The following RBFOX1 variants were observed in gnomAD, a reference collection of about 807,000 sequenced individuals.
RBFOX1 encodes RNA binding protein fox-1 homolog 1.
A neutral mutation model predicts 57.7 loss-of-function variants in RBFOX1; 8 were observed. The observed-to-expected ratio is 0.14, with a 90% CI of 0.08 to 0.25. RBFOX1 has a LOEUF of 0.25. RBFOX1 is among the 10% of genes least tolerant of loss of function. The pLI, the probability that RBFOX1 is intolerant of heterozygous loss-of-function variation, is 1.00. For synonymous variants in RBFOX1, 326 were observed against 222.4 expected, an observed-to-expected ratio of 1.47 and a Z score of -4.15; for missense variants, 611 against 548.5, an observed-to-expected ratio of 1.11 and a Z score of -1.14.
chr16:6,959,106 T>C (rs1320305424), intron 3 of RBFOX1, among the ~76,000 whole-genome samples: 1 of 152,204 alleles, frequency 6.6e-6, no homozygotes, highest in African/African-American at 2.4e-5. Flanking sequence ...CTTTTTTCTA[T>C]CGGCTTTGTC....
intron 3 of RBFOX1, chr16:6,773,958 G>A: frequency 3.0e-6 from 3 of 985,310 alleles, no homozygotes; most frequent in Non-Finnish European, 3.6e-6. Flanking sequence ...CACGCACATG[G>A]TTCTCATGGT....
At chr16:5,835,718 T>A (rs1038180915) in intron 3 of RBFOX1, among the ~76,000 whole-genome samples, 1 of 152,236 alleles carries the variant, frequency 6.6e-6, no homozygotes, top group Non-Finnish European at 1.5e-5. Context: ...AAAATGTGTT[T>A]CCTGTCTCAT....
intron 5 of RBFOX1, among the ~76,000 whole-genome samples, chr16:7,527,639 T>C (rs867392371): frequency 6.6e-5 from 10 of 152,292 alleles, no homozygotes; most frequent in Middle Eastern, 3.4e-3. Flanking sequence ...AGTGGGACCA[T>C]AGGCACGTTA....
At chr16:6,317,329 TA>T (rs1156255280) in intron 2 of RBFOX1, among the ~76,000 whole-genome samples, 1 of 152,156 alleles carries the variant, frequency 6.6e-6, no homozygotes, top group Non-Finnish European at 1.5e-5. Flanking sequence ...GGGATTAAAA[TA>T]AAATGTGTTT....
At chr16:5,799,347 A>T (rs1405738088) in intron 3 of RBFOX1, among the ~76,000 whole-genome samples, 2 of 152,292 alleles carry the variant, frequency 1.3e-5, no homozygotes, top group East Asian at 1.9e-4. Flanking sequence ...GACATAGCCA[A>T]ACCATATCAA....
intron 3 of RBFOX1, among the ~76,000 whole-genome samples, chr16:5,829,343 A>G (rs193288553): frequency 6.6e-6 from 1 of 152,298 alleles, no homozygotes; most frequent in East Asian, 1.9e-4. Flanking sequence ...CATTTTGAAA[A>G]GATCATCTTG....
At chr16:7,257,492 C>G (rs74010604) in intron 4 of RBFOX1, among the ~76,000 whole-genome samples, 4 of 152,076 alleles carry the variant, frequency 2.6e-5, no homozygotes, top group Non-Finnish European at 5.9e-5. Context: ...CCATACCCCC[C>G]GGGTTTCACC....
intron 2 of RBFOX1, among the ~76,000 whole-genome samples, chr16:6,630,417 T>C (rs1184930853): frequency 1.3e-5 from 2 of 152,182 alleles, no homozygotes; most frequent in South Asian, 4.1e-4. Flanking sequence ...AAGTTGATGA[T>C]GGTAAGGTTA....
At chr16:6,900,170 T>C (rs866413527) in intron 3 of RBFOX1, among the ~76,000 whole-genome samples, 4 of 152,356 alleles carry the variant, frequency 2.6e-5, no homozygotes, top group Middle Eastern at 3.4e-3. Context: ...TTGTTCATGT[T>C]CTTATGCTGA....
chr16:5,825,769 ATTCC>A (rs2151814562), intron 3 of RBFOX1, among the ~76,000 whole-genome samples: 1 of 148,544 alleles, frequency 6.7e-6, no homozygotes, highest in Non-Finnish European at 1.5e-5. Flanking sequence ...AAGGAATAAT[ATTCC>A]TTAATATGAA....
At chr16:5,377,941 C>G (rs1402518428) in intron 1 of RBFOX1, among the ~76,000 whole-genome samples, 2 of 151,614 alleles carry the variant, frequency 1.3e-5, no homozygotes, top group Admixed American at 6.6e-5. Flanking sequence ...TAATGGGAGC[C>G]TATTCAGGTA....
chr16:6,878,199 A>G (rs1197120982), intron 3 of RBFOX1, among the ~76,000 whole-genome samples: 1 of 152,186 alleles, frequency 6.6e-6, no homozygotes, highest in Non-Finnish European at 1.5e-5. Flanking sequence ...TTGTATGGTC[A>G]CCATGCAGGC....
Position 7,007,751 on chromosome 16 carries a change from C to T in RBFOX1, c.-15-44306C>T, listed in dbSNP as rs561720894. 5.9e-5 allele frequency among the ~76,000 whole-genome samples: 9 copies of T among 152,228 alleles called. No homozygotes were observed. The South Asian group carries it at 8.3e-4, about 14-fold the overall frequency. ...ACTCCCATGAAAATCATCTCATTTCCCTACATGCAGGTCCTTAGAAACTGT... is the reference window on the plus strand; with the variant it reads ...ACTCCCATGAAAATCATCTCATTTCTCTACATGCAGGTCCTTAGAAACTGT... On this transcript the variant is annotated intron_variant, in intron 3 of 15. Coordinates refer to ENST00000550418, the MANE Select transcript of RBFOX1 (RefSeq NM_018723.4).
chr16:6,913,725 C>A (rs1170850043), intron 3 of RBFOX1, among the ~76,000 whole-genome samples: 1 of 152,126 alleles, frequency 6.6e-6, no homozygotes, highest in African/African-American at 2.4e-5. Flanking sequence ...CCCTGCGTAC[C>A]CTCCTAGCCA....
chr16:6,828,724 C>G (rs933537001), intron 3 of RBFOX1, among the ~76,000 whole-genome samples: 1 of 152,002 alleles, frequency 6.6e-6, no homozygotes, highest in Non-Finnish European at 1.5e-5. Flanking sequence ...TAATGAGTGA[C>G]TTACCATGTT....
At chr16:7,098,257 C>T (rs1327589969) in intron 4 of RBFOX1, among the ~76,000 whole-genome samples, 1 of 152,196 alleles carries the variant, frequency 6.6e-6, no homozygotes, top group African/African-American at 2.4e-5. Flanking sequence ...ACAACCTCCG[C>T]CTTCCTGGTT....
chr16:5,273,814 G>A (rs565419808), intron 1 of RBFOX1, among the ~76,000 whole-genome samples: 8 of 152,246 alleles, frequency 5.3e-5, no homozygotes, highest in Admixed American at 5.2e-4. Context: ...GAGTTCGGGG[G>A]ATGTAGTTCC....
At chr16:7,516,799 A>G (rs2152135284) in intron 4 of RBFOX1, among the ~76,000 whole-genome samples, 1 of 152,254 alleles carries the variant, frequency 6.6e-6, no homozygotes, top group Admixed American at 6.5e-5. Flanking sequence ...CTTCTAAACA[A>G]ATGCACCAGC....
intron 3 of RBFOX1, among the ~76,000 whole-genome samples, chr16:6,841,227 T>G (rs868336096): frequency 6.6e-6 from 1 of 152,202 alleles, no homozygotes; most frequent in East Asian, 1.9e-4. Context: ...ATTATAATAA[T>G]GGTCAGTTAT....
Sources: gnomAD v4.1 joint callset for allele counts (sites outside exome capture counted in the v4.1 genomes callset) on GRCh38, gnomAD v4.1.1 for gene constraint, MANE v1.5 for transcripts, NCBI Gene and HGNC (gene_info 2026-07-23, HGNC 2026-07-21) for gene names.